Variants in SETD7 observed in about 807,000 individuals in gnomAD.
The protein encoded by SETD7 is SET domain containing 7, histone lysine methyltransferase.
A neutral mutation model predicts 41.8 loss-of-function variants in SETD7; 16 were observed. The observed-to-expected ratio is 0.38, with a 90% confidence interval of 0.26 to 0.58. The LOEUF (loss-of-function observed/expected upper bound fraction) is 0.58. SETD7 is among the 20% of genes least tolerant of loss of function. SETD7 has a pLI of 0.64. For synonymous variants in SETD7, 163 were observed against 169.7 expected (o/e 0.96, Z 0.31); for missense variants, 346 against 459.7 (o/e 0.75, Z 2.26).
intron 3 of SETD7, among the ~76,000 whole-genome samples, chr4:139,531,311 CTA>C: frequency 6.6e-6 from 1 of 152,202 alleles, no homozygotes; most frequent in Non-Finnish European, 1.5e-5. Flanking sequence ...CTTTCATTGA[CTA>C]TGTCACAAGT....
At chr4:139,497,782 G>A (rs1726493711) in intron 7 of SETD7, among the ~76,000 whole-genome samples, 1 of 151,878 alleles carries the variant, frequency 6.6e-6, no homozygotes, top group Non-Finnish European at 1.5e-5. Flanking sequence ...TAGTAGAGAT[G>A]GGTTTTCACC....
At chr4:139,549,774 T>A (rs944852435) in intron 1 of SETD7, among the ~76,000 whole-genome samples, 3 of 150,136 alleles carry the variant, frequency 2.0e-5, no homozygotes, top group African/African-American at 4.9e-5. Context: ...CTGGCTAATT[T>A]AAAAAAAAAA....
intron 4 of SETD7, 36 bp downstream of exon 4, chr4:139,528,995 A>G (rs1371223498): frequency 6.3e-7 from 1 of 1,588,202 alleles, no homozygotes; most frequent in Admixed American, 1.7e-5. Flanking sequence ...CCTGCTTTGG[A>G]ATTGGAGCAA....
chr4:139,525,191 A>G (rs942600867), intron 4 of SETD7, among the ~76,000 whole-genome samples: 2 of 152,206 alleles, frequency 1.3e-5, no homozygotes, highest in East Asian at 1.9e-4. Context: ...TATGAATTCC[A>G]TCTAGCTCCT....
chr4:139,555,880 G>A lies in SETD7; in HGVS notation c.40+218C>T, dbSNP rs567173476. On this transcript the variant is annotated intron_variant, in intron 1 of 7. Transcript: ENST00000274031. This position sits in a 1 kb window ranked among gnomAD's most constrained non-coding sequence, Gnocchi z 4.0. ...GTGCGTTTCCAGCGCCCCCGGCCTG[G>A]CGGAGCCCCATTCTCGGCCTGCGCC... 2.8e-4 allele frequency among the ~76,000 whole-genome samples: 43 copies of A among 152,102 alleles called. No homozygotes were observed. Among genetic ancestry groups the A allele is most frequent in the African/African-American group, 8.9e-4 (37 of 41,538 alleles).
intron 6 of SETD7, 74 bp from the exon 7 acceptor site, chr4:139,518,116 C>T (rs1727080431): frequency 7.1e-7 from 1 of 1,416,530 alleles, no homozygotes; most frequent in Admixed American, 2.8e-5. Context: ...GAGATATTAA[C>T]TCATTTATCT....
At chr4:139,541,369 A>C (rs75728862) in intron 2 of SETD7, among the ~76,000 whole-genome samples, 120 of 152,356 alleles carry the variant, frequency 7.9e-4, no homozygotes, top group African/African-American at 2.6e-3. Context: ...ATCTAGGATT[A>C]GTATAAAAAT....
chr4:139,544,495 G>C (rs1485004090), intron 2 of SETD7, among the ~76,000 whole-genome samples: 1 of 152,100 alleles, frequency 6.6e-6, no homozygotes, highest in African/African-American at 2.4e-5. Context: ...ACACACTGGG[G>C]TAAGCGGATG....
chr4:139,525,493 G>T (rs1209443178), intron 4 of SETD7, among the ~76,000 whole-genome samples: 1 of 152,016 alleles, frequency 6.6e-6, no homozygotes, highest in African/African-American at 2.4e-5. Flanking sequence ...ATTATAAAAA[G>T]TGAGTTAAGC....
intron 7 of SETD7, among the ~76,000 whole-genome samples, chr4:139,514,711 G>A (rs1726977051): frequency 1.3e-5 from 2 of 152,218 alleles, no homozygotes; most frequent in Admixed American, 6.5e-5. Context: ...CTATAAACGT[G>A]AGCTACACGA....
At chr4:139,539,945 A>T (rs1316956711) in intron 2 of SETD7, among the ~76,000 whole-genome samples, 1 of 152,154 alleles carries the variant, frequency 6.6e-6, no homozygotes, top group Non-Finnish European at 1.5e-5. Flanking sequence ...CTTGGACTTC[A>T]CACCCTCCAG....
chr4:139,548,272 T>G (rs1302067614), intron 1 of SETD7, among the ~76,000 whole-genome samples: 1 of 152,202 alleles, frequency 6.6e-6, no homozygotes, highest in African/African-American at 2.4e-5. Flanking sequence ...CCTCAAATAA[T>G]TTATTCTAAC....
chr4:139,508,423 A>T lies in SETD7; in HGVS notation c.*3240T>A, dbSNP rs1443213546. 2.0e-5 allele frequency: 3 copies of T among 152,224 alleles called. No homozygotes were observed. The highest frequency in any genetic ancestry group is 7.2e-5 in the African/African-American group (3 of 41,456). The allele number at this position is 152,224 out of a possible 1,614,324, so 9.4% of individuals were successfully genotyped here. On this transcript the variant is annotated 3_prime_UTR_variant, in exon 8 of 8. Coordinates refer to ENST00000274031, the MANE Select transcript of SETD7 (RefSeq NM_030648.4). The stretch of plus-strand genomic sequence containing the variant: ...ATCCCATCATTCCTTTGTGTCGGAA[A>T]TTCAGTCTTTCCAGTTGTTTTTGTT...
chr4:139,531,660 C>T (rs969833884), intron 3 of SETD7, among the ~76,000 whole-genome samples: 14 of 152,190 alleles, frequency 9.2e-5, no homozygotes, highest in African/African-American at 3.1e-4. Flanking sequence ...TTTTCTTATG[C>T]CCTATTCCTA....
At chr4:139,500,844 A>G (rs1726556482) in intron 7 of SETD7, among the ~76,000 whole-genome samples, 1 of 152,118 alleles carries the variant, frequency 6.6e-6, no homozygotes, top group South Asian at 2.1e-4. Context: ...TTTAAAACAA[A>G]GTCCTTGAAA....
intron 3 of SETD7, among the ~76,000 whole-genome samples, chr4:139,532,145 A>G (rs1331859712): frequency 1.3e-5 from 2 of 152,230 alleles, no homozygotes; most frequent in African/African-American, 2.4e-5. Context: ...TAAAGTATTA[A>G]GCAAAATATT....
downstream of SETD7, among the ~76,000 whole-genome samples, chr4:139,501,255 T>A (rs1178338142): frequency 6.6e-6 from 1 of 152,198 alleles, no homozygotes; most frequent in African/African-American, 2.4e-5. Flanking sequence ...GGGACTGCTA[T>A]GTGGTAAAGC....
intron 5 of SETD7, among the ~76,000 whole-genome samples, chr4:139,520,718 C>T (rs79249074): frequency 6.6e-6 from 1 of 152,178 alleles, no homozygotes; most frequent in Non-Finnish European, 1.5e-5. Context: ...ACAATTTTCA[C>T]TGCCTTACTG....
intron 3 of SETD7, among the ~76,000 whole-genome samples, chr4:139,532,289 A>T (rs1283273377): frequency 6.6e-6 from 1 of 152,084 alleles, no homozygotes; most frequent in Non-Finnish European, 1.5e-5. Flanking sequence ...ACACAAAAAT[A>T]TTAGCCAGAT....
Sources: gnomAD v4.1 joint callset for allele counts (sites outside exome capture counted in the v4.1 genomes callset) on GRCh38, gnomAD v4.1.1 for gene constraint, Gnocchi (gnomAD v3.1) non-coding constraint, MANE v1.5 for transcripts, NCBI Gene and HGNC (gene_info 2026-07-23, HGNC 2026-07-21) for gene names.